KLHL4: variants seen among roughly 807,000 people sequenced by gnomAD.
The protein encoded by KLHL4 is kelch-like protein 4.
A neutral mutation model predicts 45.8 loss-of-function variants in KLHL4; 17 were observed. The observed-to-expected ratio is 0.37, with a 90% CI of 0.25 to 0.56. KLHL4 has a LOEUF of 0.56. Among genes scored for constraint, KLHL4 ranks in the 20% least tolerant of loss-of-function variants. The pLI is 0.79. For missense variants in KLHL4, 544 were observed against 544.9 expected (o/e 1.00, Z 0.02); for synonymous variants, 224 against 189.9 (o/e 1.18, Z -1.47).
Position 87,649,332 on chromosome X carries a change from T to A in KLHL4, c.1925+13557T>A, listed in dbSNP as rs1450675607. The stretch of plus-strand genomic sequence containing the variant: ...TCTCAATTAGCATAACTCTTCAAGG[T>A]TTATGTAATAATATGTGTCAGAATT... On this transcript the variant is annotated intron_variant, in intron 9 of 10. Coordinates refer to ENST00000373119, the MANE Select transcript of KLHL4 (RefSeq NM_019117.5). Among the ~76,000 whole-genome samples, 3 of 111,848 alleles carry A rather than the reference T, an allele frequency of 2.7e-5. No homozygotes were observed. In the South Asian group the frequency reaches 1.1e-3, roughly 41 times the overall value.
chrX:87,541,472 CA>C (rs1931555106), intron 1 of KLHL4, among the ~76,000 whole-genome samples: 1 of 77,044 alleles, frequency 1.3e-5, no homozygotes, highest in African/African-American at 5.4e-5. Context: ...GCCTGGGTGA[CA>C]GAGAGAGACT....
chrX:87,662,360 T>A (rs1924216563), intron 9 of KLHL4, among the ~76,000 whole-genome samples: 1 of 111,898 alleles, frequency 8.9e-6, no homozygotes, highest in South Asian at 3.6e-4. Context: ...AATTATAAGA[T>A]GTTAAAACAA....
chrX:87,533,068 G>A (rs1429551050), intron 1 of KLHL4, among the ~76,000 whole-genome samples: 2 of 106,971 alleles, frequency 1.9e-5, no homozygotes, highest in South Asian at 4.4e-4. Flanking sequence ...GTGCTGGAGA[G>A]GATGTGGAGA....
chrX:87,606,863 C>A (rs1308335278), intron 1 of KLHL4, among the ~76,000 whole-genome samples: 1 of 111,258 alleles, frequency 9.0e-6, no homozygotes, highest in East Asian at 2.8e-4. Context: ...TTTACATTTG[C>A]ACAGAGATAT....
rs1932137982 is a variant in KLHL4, at chrX:87,563,264, C to T, written c.422+44949C>T. Among the ~76,000 whole-genome samples, 4 of 109,858 alleles carry T rather than the reference C, an allele frequency of 3.6e-5. No homozygotes were observed. In the South Asian group the frequency reaches 1.6e-3, roughly 44 times the overall value. ...GAAGGATCAAGACCATCCAGGAACACAGGACCTCATCAAAAATAAAAACAA... is the reference window on the plus strand; with the variant it reads ...GAAGGATCAAGACCATCCAGGAACATAGGACCTCATCAAAAATAAAAACAA... On this transcript the variant is annotated intron_variant, in intron 1 of 10. Coordinates refer to ENST00000373119, the MANE Select transcript of KLHL4 (RefSeq NM_019117.5).
chrX:87,532,849 A>C (rs944988692), intron 1 of KLHL4, among the ~76,000 whole-genome samples: 3 of 111,301 alleles, frequency 2.7e-5, no homozygotes, highest in African/African-American at 9.8e-5. Flanking sequence ...ACTCAAACAA[A>C]TTTGCAAGGA....
chrX:87,552,701 A>ATCTATC, intron 1 of KLHL4, among the ~76,000 whole-genome samples: 3 of 93,423 alleles, frequency 3.2e-5, no homozygotes, highest in African/African-American at 1.2e-4. Flanking sequence ...AATTATATAT[A>ATCTATC]TATATATATA....
At chrX:87,577,235 C>A (rs1321749293) in intron 1 of KLHL4, among the ~76,000 whole-genome samples, 2 of 111,629 alleles carry the variant, frequency 1.8e-5, no homozygotes, top group Non-Finnish European at 3.8e-5. Context: ...CCGGAGCATA[C>A]ACGCCGGTGG....
chrX:87,521,480 G>A lies in KLHL4; in HGVS notation c.422+3165G>A, dbSNP rs1489455169. 4.5e-5 allele frequency among the ~76,000 whole-genome samples: 5 copies of A among 111,502 alleles called. No homozygotes were observed. The Admixed American group carries it at 4.8e-4, about 11-fold the overall frequency. On this transcript the variant is annotated intron_variant, in intron 1 of 10. Coordinates refer to ENST00000373119, the MANE Select transcript of KLHL4 (RefSeq NM_019117.5). ...AATCATTGAATATACATTCTAATGG[G>A]AAGAGAGAGGCAATAAAAACAAACC...
chrX:87,614,300 T>C (rs1279306320), intron 2 of KLHL4, 134 bp from the exon 3 acceptor site: 11 of 641,919 alleles, frequency 1.7e-5, no homozygotes, highest in Non-Finnish European at 2.6e-5. Flanking sequence ...CTAACTTCAC[T>C]ACATTTAACT....
chrX:87,553,975 A>T (rs1435504869), intron 1 of KLHL4, among the ~76,000 whole-genome samples: 1 of 109,102 alleles, frequency 9.2e-6, no homozygotes, highest in Non-Finnish European at 1.9e-5. Flanking sequence ...TAAATAGGGA[A>T]TCCTTTCCCC....
At chrX:87,655,116 C>G (rs911610770) in intron 9 of KLHL4, among the ~76,000 whole-genome samples, 2 of 111,529 alleles carry the variant, frequency 1.8e-5, no homozygotes, top group Non-Finnish European at 3.8e-5. Flanking sequence ...TTCACGCTAT[C>G]GATTCTTTCC....
At chrX:87,654,043 A>C (rs1320515626) in intron 9 of KLHL4, among the ~76,000 whole-genome samples, 1 of 111,351 alleles carries the variant, frequency 9.0e-6, no homozygotes. Flanking sequence ...TGTAATACCT[A>C]GGTGATGGAT....
At chrX:87,551,379 G>A (rs771008991) in intron 1 of KLHL4, among the ~76,000 whole-genome samples, 21 of 111,373 alleles carry the variant, frequency 1.9e-4, no homozygotes. Context: ...AACATCCCAT[G>A]CTCACAGATG....
intron 1 of KLHL4, among the ~76,000 whole-genome samples, chrX:87,519,688 AAAG>A (rs1930963659): frequency 6.2e-5 from 7 of 112,430 alleles, no homozygotes; most frequent in Admixed American, 5.7e-4. Flanking sequence ...TAAGACTCTC[AAAG>A]TAATATAGAG....
At chrX:87,559,635 TA>T (rs1272353225) in intron 1 of KLHL4, among the ~76,000 whole-genome samples, 2 of 111,502 alleles carry the variant, frequency 1.8e-5, no homozygotes, top group African/African-American at 3.3e-5. Flanking sequence ...CACTTAAAAG[TA>T]AAAATTCCCC....
intron 4 of KLHL4, among the ~76,000 whole-genome samples, chrX:87,621,864 C>T (rs1485698066): frequency 9.0e-6 from 1 of 111,586 alleles, no homozygotes; most frequent in Non-Finnish European, 1.9e-5. Flanking sequence ...TGAAGACCAA[C>T]CAGACAGTCA....
chrX:87,553,125 TA>T (rs1351404114), intron 1 of KLHL4, among the ~76,000 whole-genome samples: 3 of 110,355 alleles, frequency 2.7e-5, no homozygotes, highest in Admixed American at 9.7e-5. Flanking sequence ...AAAGTAATAT[TA>T]AAAAATGATA....
intron 1 of KLHL4, among the ~76,000 whole-genome samples, chrX:87,532,409 C>T (rs1225989975): frequency 9.1e-6 from 1 of 110,296 alleles, no homozygotes; most frequent in Non-Finnish European, 1.9e-5. Context: ...AGTGTCTTGG[C>T]CATGTGGGCT....
Sources: gnomAD v4.1 joint callset for allele counts (sites outside exome capture counted in the v4.1 genomes callset) on GRCh38, gnomAD v4.1.1 for gene constraint, MANE v1.5 for transcripts, NCBI Gene and HGNC (gene_info 2026-07-23, HGNC 2026-07-21) for gene names.